PDE4D: variants seen among roughly 807,000 people sequenced by gnomAD.
PDE4D encodes the protein phosphodiesterase 4D.
In PDE4D, 24 loss-of-function variants were observed where a neutral mutation model predicts 87.4. The observed-to-expected ratio is 0.27, with a 90% CI of 0.20 to 0.39. The LOEUF is 0.39. Ranked by LOEUF, PDE4D falls within the 10% of genes least tolerant of loss-of-function variation. PDE4D has a pLI of 1.00. For missense variants in PDE4D, 714 were observed against 1,041.0 expected, an observed-to-expected ratio of 0.69 and a Z score of 4.32; for synonymous variants, 384 against 383.2, an observed-to-expected ratio of 1.00 and a Z score of -0.02.
At chr5:60,447,462 CT>C (rs2150144709) in intron 1 of PDE4D, among the ~76,000 whole-genome samples, 1 of 151,958 alleles carries the variant, frequency 6.6e-6, no homozygotes, top group East Asian at 1.9e-4. Context: ...CCTTTCAAAA[CT>C]ACAGACAAGA....
chr5:59,849,687 C>T (rs995988376), intron 1 of PDE4D, among the ~76,000 whole-genome samples: 11 of 151,366 alleles, frequency 7.3e-5, no homozygotes, highest in Admixed American at 2.6e-4. Flanking sequence ...TGGTGCCTGA[C>T]GTTTTCTATT....
At chr5:59,079,848 GGGAGA>G (rs36226812) in intron 5 of PDE4D, among the ~76,000 whole-genome samples, 37,060 of 97,948 alleles carry the variant, frequency 0.38, 7,081 homozygotes, top group East Asian at 0.71. Context: ...GGGAGAGGAG[GGGAGA>G]GGAGAGGAGA....
chr5:60,150,725 G>A (rs1781433108), intron 2 of PDE4D, among the ~76,000 whole-genome samples: 1 of 152,116 alleles, frequency 6.6e-6, no homozygotes, highest in Non-Finnish European at 1.5e-5. Context: ...TACTAGGTTT[G>A]CATCTAAACA....
intron 1 of PDE4D, among the ~76,000 whole-genome samples, chr5:60,279,627 TG>T (rs1751695976): frequency 6.6e-6 from 1 of 152,090 alleles, no homozygotes; most frequent in Non-Finnish European, 1.5e-5. Context: ...AGCATGCTTT[TG>T]TTAAGAATGT....
intron 1 of PDE4D, among the ~76,000 whole-genome samples, chr5:59,592,537 A>T (rs1301861443): frequency 6.6e-6 from 1 of 152,186 alleles, no homozygotes; most frequent in Admixed American, 6.6e-5. Context: ...GATTCAACTA[A>T]TATAAAAAGC....
intron 1 of PDE4D, among the ~76,000 whole-genome samples, chr5:59,545,001 C>A (rs980537316): frequency 1.3e-5 from 2 of 152,172 alleles, no homozygotes; most frequent in Non-Finnish European, 2.9e-5. Context: ...TGATTTTATA[C>A]ATTATCATCT....
chr5:59,729,118 G>GAA (rs1336829910), intron 1 of PDE4D, among the ~76,000 whole-genome samples: 2 of 152,046 alleles, frequency 1.3e-5, no homozygotes, highest in Non-Finnish European at 2.9e-5. Context: ...GAGAAAGAAA[G>GAA]AGGAATCATT....
chr5:60,249,812 G>A (rs1473030136), intron 1 of PDE4D, among the ~76,000 whole-genome samples: 1 of 151,944 alleles, frequency 6.6e-6, no homozygotes, highest in Non-Finnish European at 1.5e-5. Flanking sequence ...TTTAAATAAA[G>A]CAGAAACCAC....
At chr5:60,359,275 G>C (rs1759867156) in intron 1 of PDE4D, among the ~76,000 whole-genome samples, 1 of 152,142 alleles carries the variant, frequency 6.6e-6, no homozygotes, top group South Asian at 2.1e-4. Flanking sequence ...GGGCATGGTG[G>C]CACAAGCCTG....
chr5:60,475,453 G>A (rs2150204118), intron 1 of PDE4D, among the ~76,000 whole-genome samples: 1 of 152,206 alleles, frequency 6.6e-6, no homozygotes, highest in South Asian at 2.1e-4. Flanking sequence ...CCAAGGTCTG[G>A]ACATTGGGAA....
chr5:60,204,460 C>T (rs1051824904), intron 1 of PDE4D, among the ~76,000 whole-genome samples: 2 of 151,388 alleles, frequency 1.3e-5, no homozygotes, highest in African/African-American at 4.8e-5. Flanking sequence ...TGAAAGCAAG[C>T]AGATATTTGT....
At chr5:59,901,392 A>G (rs1352369566) in intron 3 of PDE4D, among the ~76,000 whole-genome samples, 1 of 152,206 alleles carries the variant, frequency 6.6e-6, no homozygotes, top group East Asian at 1.9e-4. Flanking sequence ...TATAGTATTC[A>G]TGCAAGGAAG....
At chr5:59,112,275 A>G (rs1449082387) in intron 5 of PDE4D, among the ~76,000 whole-genome samples, 2 of 152,170 alleles carry the variant, frequency 1.3e-5, no homozygotes, top group Non-Finnish European at 2.9e-5. Context: ...TGAGAGAAAG[A>G]AGAGTTAAAA....
At chr5:60,451,007 A>G (rs1228535850) in intron 1 of PDE4D, among the ~76,000 whole-genome samples, 1 of 152,110 alleles carries the variant, frequency 6.6e-6, no homozygotes, top group Non-Finnish European at 1.5e-5. Context: ...GGTCAAAAAT[A>G]GAACTTATAA....
intron 1 of PDE4D, among the ~76,000 whole-genome samples, chr5:60,496,410 A>C (rs1171119680): frequency 6.6e-6 from 1 of 152,152 alleles, no homozygotes; most frequent in Non-Finnish European, 1.5e-5. Flanking sequence ...ACAATGACTC[A>C]ATATGGTCTT....
chr5:59,114,485 A>G lies in PDE4D; in HGVS notation c.808+66110T>C, dbSNP rs530027823. ...TGGGATACTCAGTTGGGAATTTCCAATAAATATTGGGGTTCCAAGCTTTGC... is the reference window on the plus strand; with the variant it reads ...TGGGATACTCAGTTGGGAATTTCCAGTAAATATTGGGGTTCCAAGCTTTGC... On this transcript the variant is annotated intron_variant, in intron 5 of 14. Transcript: ENST00000340635. Among the ~76,000 whole-genome samples the G allele has an allele frequency of 8.5e-5, 13 of 152,334 alleles. No individual in the cohort carries two copies. In the East Asian group the frequency reaches 2.3e-3, roughly 27 times the overall value.
chr5:59,130,157 C>T (rs756390940), intron 5 of PDE4D, among the ~76,000 whole-genome samples: 3 of 152,088 alleles, frequency 2.0e-5, no homozygotes, highest in Non-Finnish European at 4.4e-5. Context: ...AATATATGAT[C>T]ATTGGCCTGC....
intron 1 of PDE4D, among the ~76,000 whole-genome samples, chr5:60,229,010 C>T (rs149914623): frequency 6.6e-5 from 10 of 152,148 alleles, no homozygotes; most frequent in East Asian, 3.9e-4. Flanking sequence ...TATAAGGTAA[C>T]GGCTGGGAAC....
intron 1 of PDE4D, among the ~76,000 whole-genome samples, chr5:60,414,696 T>C (rs531969351): frequency 2.0e-5 from 3 of 152,354 alleles, no homozygotes; most frequent in Admixed American, 1.3e-4. Flanking sequence ...TTTTCTGAAC[T>C]CTTTCTTTTA....
Sources: gnomAD v4.1 joint callset for allele counts (sites outside exome capture counted in the v4.1 genomes callset) on GRCh38, gnomAD v4.1.1 for gene constraint, MANE v1.5 for transcripts, NCBI Gene and HGNC (gene_info 2026-07-23, HGNC 2026-07-21) for gene names.